Variants in RALGDS observed in about 807,000 individuals in gnomAD.
RALGDS encodes the protein ral guanine nucleotide dissociation stimulator.
In RALGDS, 44 loss-of-function variants were observed where a neutral mutation model predicts 99.8. The ratio of observed to expected loss-of-function variants is 0.44; its 90% CI spans 0.35 to 0.57. The LOEUF is 0.57. Ranked by LOEUF, RALGDS falls within the 20% of genes least tolerant of loss-of-function variation. RALGDS has a pLI of 0.01. For missense variants in RALGDS, 1,022 were observed against 1,203.1 expected (o/e 0.85, Z 2.23); for synonymous variants, 529 against 505.0 (o/e 1.05, Z -0.64).
exon 1 of RALGDS, chr9:133,149,191 C>T (rs1469517043): frequency 7.0e-6 from 1 of 143,622 alleles, no homozygotes; most frequent in Non-Finnish European, 1.5e-5. Context: ...GCGCCGCGCT[C>T]CGGCCGCTCG....
At chr9:133,130,378 T>G (rs1189381046) in intron 1 of RALGDS, among the ~76,000 whole-genome samples, 1 of 152,188 alleles carries the variant, frequency 6.6e-6, no homozygotes, top group Non-Finnish European at 1.5e-5. Context: ...CCTCCCAAAG[T>G]GGTAAGATTA....
intron 1 of RALGDS, among the ~76,000 whole-genome samples, chr9:133,114,880 C>T (rs1000172332): frequency 6.6e-6 from 1 of 152,220 alleles, no homozygotes; most frequent in Admixed American, 6.5e-5. Flanking sequence ...TGGGTCAGTG[C>T]AGTGAGGGTG....
intron 9 of RALGDS, 123 bp from the exon 10 acceptor site, chr9:133,104,454 G>A (rs1830918161): frequency 3.3e-6 from 3 of 900,272 alleles, no homozygotes; most frequent in Non-Finnish European, 5.4e-6. Flanking sequence ...TCACTAGTGT[G>A]GGGTCCTGGG....
chr9:133,148,440 G>C (rs959452586), intron 1 of RALGDS, among the ~76,000 whole-genome samples: 7 of 151,570 alleles, frequency 4.6e-5, no homozygotes, highest in African/African-American at 1.2e-4. Flanking sequence ...GCATGTTGCT[G>C]GGTACTGGAT....
intron 1 of RALGDS, among the ~76,000 whole-genome samples, chr9:133,119,554 G>A (rs532916437): frequency 1.3e-5 from 2 of 152,270 alleles, no homozygotes; most frequent in African/African-American, 2.4e-5. Context: ...CCTCAGGGAC[G>A]GAGAGAGGGA....
Position 133,108,657 on chromosome 9 carries a change from C to T in RALGDS, c.778+16G>A. 6.2e-7 allele frequency: 1 copy of T among 1,612,662 alleles called. No individual in the cohort carries two copies. The highest frequency in any genetic ancestry group is 8.5e-7 in the Non-Finnish European group (1 of 1,179,800). ...CTCCTCATTCACCCTCTGGCACCCA[C>T]CCCAGTCCTCCTCACCCTCAGGCTC... On this transcript the variant is annotated intron_variant, in intron 5 of 17. Transcript: ENST00000372050.
rs770489030 is a variant in RALGDS at position 133,101,644 on chromosome 9, C to T, written c.2330G>A (p.Arg777His). 1.5e-5 allele frequency: 24 copies of T among 1,613,800 alleles called. No individual in the cohort carries two copies. The highest frequency in any genetic ancestry group is 2.2e-5 in the East Asian group (1 of 44,886). ...GGAGTTGCAGAGCCCTGAGACAGAG[C>T]GCTTGTGGGTGCGTGTGGCAGCCAC... is the stretch of plus-strand genomic sequence containing the variant. Reference protein sequence around the residue: ...TPVAATRTHKRSVSGLCNSSS... With the variant: ...TPVAATRTHKHSVSGLCNSSS... The change falls in exon 16 of 18, where the codon CGC (arginine) becomes CAC (histidine). Residue 777 changes from arginine (R) to histidine (H), a missense_variant. Arg to His is a conservative substitution (Grantham distance 29). Transcript: ENST00000372050.
intron 1 of RALGDS, among the ~76,000 whole-genome samples, chr9:133,130,249 C>T (rs1414612643): frequency 1.3e-5 from 2 of 152,178 alleles, no homozygotes; most frequent in African/African-American, 2.4e-5. Context: ...GGATTACAGG[C>T]ATGAGCCACC....
chr9:133,107,146 T>C lies in RALGDS; in HGVS notation c.1352A>G (p.Asn451Ser). The C allele has an allele frequency of 6.2e-7, 1 of 1,613,812 alleles. No homozygotes were observed. Among genetic ancestry groups the C allele is most frequent in the Non-Finnish European group, 8.5e-7 (1 of 1,180,046 alleles). Reference protein sequence around the residue: ...ANCVITTCLGNRSTKAPDRAR... With the variant: ...ANCVITTCLGSRSTKAPDRAR... The stretch of plus-strand genomic sequence containing the variant: ...CCTGTCTGGGGCTTTCGTGCTTCGG[T>C]TCCCGAGGCAGGTGGTGATGACACA... Residue 451 changes from asparagine (N) to serine (S), a missense_variant, in exon 7 of 18, where the codon AAC becomes AGC. Coordinates refer to ENST00000372050, the MANE Select transcript of RALGDS (RefSeq NM_006266.4).
At chr9:133,114,709 G>A (rs1332534514) in intron 1 of RALGDS, among the ~76,000 whole-genome samples, 7 of 152,344 alleles carry the variant, frequency 4.6e-5, no homozygotes, top group Non-Finnish European at 7.3e-5. Context: ...CCAGGCAGCC[G>A]CTATGAGCTG....
chr9:133,107,385 G>C, intron 6 of RALGDS, 85 bp from the exon 7 acceptor site: 13 of 1,235,800 alleles, frequency 1.1e-5, no homozygotes, highest in Non-Finnish European at 1.5e-5. Flanking sequence ...CTTGAGCCTT[G>C]TGGGGATCTC....
chr9:133,112,369 A>T (rs1831390302), intron 1 of RALGDS, among the ~76,000 whole-genome samples: 1 of 152,106 alleles, frequency 6.6e-6, no homozygotes, highest in Non-Finnish European at 1.5e-5. Flanking sequence ...GGACGTGATT[A>T]TGATGAGTCC....
Position 133,101,588 on chromosome 9 carries a change from C to G in RALGDS, c.2386G>C (p.Val796Leu), listed in dbSNP as rs758482477. 6.2e-7 allele frequency: 1 copy of G among 1,612,870 alleles called. No individual in the cohort carries two copies. The highest frequency in any genetic ancestry group is 8.5e-7 in the Non-Finnish European group (1 of 1,180,032). ...ACGCGGATGATACAGCAGTCGCCCACCTGCTGGTTGTAGAGCGGCAGCGCG... is the reference window on the plus strand; with the variant it reads ...ACGCGGATGATACAGCAGTCGCCCAGCTGCTGGTTGTAGAGCGGCAGCGCG... ...SSALPLYNQQVGDCCIIRVSL... is the reference protein window; with the variant it reads ...SSALPLYNQQLGDCCIIRVSL... The change falls in exon 16 of 18, where the codon GTG becomes CTG. Residue 796 changes from valine to leucine, a missense_variant. This residue lies in a region of RALGDS where 825 missense variants were observed against 994.5 expected (regional missense o/e 0.83). Coordinates refer to ENST00000372050, the MANE Select transcript of RALGDS (RefSeq NM_006266.4).
chr9:133,140,236 G>A (rs1407494956), intron 1 of RALGDS, among the ~76,000 whole-genome samples: 5 of 120,480 alleles, frequency 4.2e-5, no homozygotes, highest in Admixed American at 9.0e-5. Flanking sequence ...CCCTCCCCAC[G>A]GTCCCACCCT....
intron 17 of RALGDS, chr9:133,098,968 T>C (rs73558423): frequency 1.0e-5 from 6 of 584,536 alleles, no homozygotes; most frequent in African/African-American, 7.5e-5. Flanking sequence ...CTGATGACTC[T>C]TGTTTAAACA....
At chr9:133,131,144 C>T (rs1564251597), upstream of RALGDS, 6 of 1,433,474 alleles carry the variant, frequency 4.2e-6, no homozygotes, top group Non-Finnish European at 5.4e-6. Flanking sequence ...GCTCCCAGCC[C>T]TGCTCCTCTG....
chr9:133,114,499 C>T (rs1297893999), intron 1 of RALGDS, among the ~76,000 whole-genome samples: 1 of 152,166 alleles, frequency 6.6e-6, no homozygotes, highest in Non-Finnish European at 1.5e-5. Flanking sequence ...TGGCAGCTGC[C>T]CCAGAACCCT....
In RALGDS at chr9:133,098,433, C is replaced by G; in HGVS notation, c.*154G>C. Reference sequence around the variant, plus strand: ...GAGGCCAGGTCAGCCTGACCAATGGCAGGCGTCAATCCCAGCAGCGGGAGA... The same window carrying G: ...GAGGCCAGGTCAGCCTGACCAATGGGAGGCGTCAATCCCAGCAGCGGGAGA... On this transcript the variant is annotated 3_prime_UTR_variant, in exon 18 of 18. Transcript: ENST00000372050. The G allele has an allele frequency of 1.3e-6, 1 of 791,896 alleles. No individual in the cohort carries two copies. The highest frequency in any genetic ancestry group is 2.1e-6 in the Non-Finnish European group (1 of 486,926). The allele number at this position is 791,896 out of a possible 1,614,324, so 49.1% of individuals were successfully genotyped here.
chr9:133,100,411 G>A, intron 16 of RALGDS, 29 bp from the exon 17 acceptor site: 1 of 1,613,194 alleles, frequency 6.2e-7, no homozygotes, highest in Non-Finnish European at 8.5e-7. Context: ...TGGACCATCA[G>A]GGAAAAGACC....
Sources: allele counts gnomAD v4.1 joint callset (sites outside exome capture counted in the v4.1 genomes callset), GRCh38; gene constraint gnomAD v4.1.1; regional missense constraint gnomAD v4.1.1; transcripts MANE v1.5; gene names NCBI Gene and HGNC (gene_info 2026-07-23, HGNC 2026-07-21).